Variants in WBP1L observed in about 807,000 individuals in gnomAD.
The protein encoded by WBP1L is WW domain binding protein 1 like.
Under a neutral mutation model 33.7 loss-of-function variants are expected in WBP1L, and 17 were observed. The observed-to-expected ratio is 0.50, with a 90% CI of 0.34 to 0.76. WBP1L has a LOEUF of 0.76. WBP1L is among the 30% of genes least tolerant of loss of function. The pLI, the probability that WBP1L is intolerant of heterozygous loss-of-function variation, is 0.01. For missense variants in WBP1L, 389 were observed against 469.4 expected, an observed-to-expected ratio of 0.83 and a Z score of 1.58; for synonymous variants, 173 against 190.8, an observed-to-expected ratio of 0.91 and a Z score of 0.77.
intron 2 of WBP1L, among the ~76,000 whole-genome samples, chr10:102,805,011 G>GGT (rs1463762641): frequency 6.6e-6 from 1 of 152,160 alleles, no homozygotes; most frequent in African/African-American, 2.4e-5. Flanking sequence ...GGCCAGGTGT[G>GGT]GTGGCTCATA....
rs112942471 is a variant in WBP1L, at chr10:102,756,410, AG to A, written c.90+12273del. ...GGGTGACAGAGCAAGACTCTGTCTC[AG>A]GGGGGTGGTGGGGGGAAGGGATCAT... On this transcript the variant is annotated intron_variant, in intron 1 of 3. Coordinates refer to ENST00000448841, the MANE Select transcript of WBP1L (RefSeq NM_001083913.2). Among the ~76,000 whole-genome samples, 401 of 151,782 alleles carry A rather than the reference AG, an allele frequency of 2.6e-3. 1 individual carries two copies. The highest frequency in any genetic ancestry group is 8.8e-3 in the African/African-American group (364 of 41,408).
intron 2 of WBP1L, among the ~76,000 whole-genome samples, chr10:102,802,373 G>C (rs1590190788): frequency 6.7e-6 from 1 of 148,936 alleles, no homozygotes; most frequent in Non-Finnish European, 1.5e-5. Flanking sequence ...TTTACCTGCC[G>C]TTTTTTTTTG....
At chr10:102,774,719 T>C (rs1441378712) in intron 1 of WBP1L, among the ~76,000 whole-genome samples, 1 of 152,158 alleles carries the variant, frequency 6.6e-6, no homozygotes, top group Non-Finnish European at 1.5e-5. Context: ...ACAGTGCCAC[T>C]ACCATGGAGG....
intron 1 of WBP1L, among the ~76,000 whole-genome samples, chr10:102,791,829 G>A (rs1843503198): frequency 6.6e-6 from 1 of 152,198 alleles, no homozygotes; most frequent in East Asian, 1.9e-4. Flanking sequence ...CCATTAGCCA[G>A]TTGCTAGCAG....
chr10:102,752,597 A>T (rs1319503058), intron 1 of WBP1L, among the ~76,000 whole-genome samples: 3 of 152,182 alleles, frequency 2.0e-5, no homozygotes, highest in Non-Finnish European at 2.9e-5. Context: ...TTTTAAGAAC[A>T]TGATTTGCTT....
At chr10:102,810,962 C>A (rs1359081238) in intron 3 of WBP1L, among the ~76,000 whole-genome samples, 1 of 149,402 alleles carries the variant, frequency 6.7e-6, no homozygotes, top group Non-Finnish European at 1.5e-5. Context: ...CTTTCCCTTC[C>A]TTCTTCCCTC....
chr10:102,746,267 A>G (rs1204705367), intron 1 of WBP1L: 1 of 630,208 alleles, frequency 1.6e-6, no homozygotes, highest in Non-Finnish European at 2.0e-6. Flanking sequence ...GGCACTTCTA[A>G]TACTTAATTT....
intron 1 of WBP1L, among the ~76,000 whole-genome samples, chr10:102,775,926 C>T (rs1321443294): frequency 1.3e-5 from 2 of 151,842 alleles, no homozygotes; most frequent in East Asian, 1.9e-4. Flanking sequence ...GATTTATGTA[C>T]CCCCCAGCCT....
chr10:102,810,361 T>C (rs4919680), intron 3 of WBP1L, among the ~76,000 whole-genome samples: 114,476 of 142,070 alleles, frequency 0.81, 46,629 homozygotes, highest in Middle Eastern at 0.89. Context: ...CTTCCTCCCT[T>C]CCTCCCTCCC....
At chr10:102,807,030 C>T (rs1433935053) in intron 2 of WBP1L, among the ~76,000 whole-genome samples, 1 of 151,918 alleles carries the variant, frequency 6.6e-6, no homozygotes, top group Admixed American at 6.6e-5. Context: ...CTTGATTTAA[C>T]TCATTCTGAC....
chr10:102,754,339 G>A (rs1339357893), intron 1 of WBP1L, among the ~76,000 whole-genome samples: 1 of 152,174 alleles, frequency 6.6e-6, no homozygotes, highest in Admixed American at 6.5e-5. Context: ...TGGCACTATG[G>A]CTGACTTTCC....
intron 1 of WBP1L, among the ~76,000 whole-genome samples, chr10:102,783,142 C>T (rs1436298994): frequency 6.6e-6 from 1 of 152,118 alleles, no homozygotes; most frequent in African/African-American, 2.4e-5. Flanking sequence ...CAGGCTGGGG[C>T]GGACCGCCAG....
At position 102,781,983 on chromosome 10, in the gene WBP1L, C is replaced by T. The variant is rs139894213; in HGVS notation, c.91-16010C>T. 2.1e-3 allele frequency among the ~76,000 whole-genome samples: 317 copies of T among 152,154 alleles called. 2 individuals carry two copies. The highest frequency in any genetic ancestry group is 7.1e-3 in the African/African-American group (296 of 41,526). The stretch of plus-strand genomic sequence containing the variant: ...CTGCCTCCCAGGTTCAAGGAATTCT[C>T]GTGCCTCAGCCTCCCAAGTAGCTGG... On this transcript the variant is annotated intron_variant, in intron 1 of 3. Transcript: ENST00000448841.
intron 1 of WBP1L, among the ~76,000 whole-genome samples, chr10:102,786,010 T>TTTGAC (rs1843410255): frequency 1.3e-5 from 2 of 152,224 alleles, no homozygotes; most frequent in Non-Finnish European, 2.9e-5. Flanking sequence ...GCTGTGGGAT[T>TTTGAC]TTCCTACCAG....
At chr10:102,759,363 C>T (rs986517647) in intron 1 of WBP1L, among the ~76,000 whole-genome samples, 1 of 152,164 alleles carries the variant, frequency 6.6e-6, no homozygotes, top group Non-Finnish European at 1.5e-5. Context: ...CAAAAAGTAA[C>T]ATTAAAAGCT....
intron 1 of WBP1L, among the ~76,000 whole-genome samples, chr10:102,793,516 T>A (rs1272619814): frequency 6.6e-6 from 1 of 152,190 alleles, no homozygotes; most frequent in East Asian, 1.9e-4. Flanking sequence ...ATTTGACCTT[T>A]CCATTGCATT....
intron 1 of WBP1L, among the ~76,000 whole-genome samples, chr10:102,748,819 G>A (rs1472256319): frequency 6.6e-6 from 1 of 152,252 alleles, no homozygotes; most frequent in African/African-American, 2.4e-5. Flanking sequence ...GCTAGGGCAA[G>A]AGGAAGATGG....
At chr10:102,802,549 C>T (rs943049485) in intron 2 of WBP1L, among the ~76,000 whole-genome samples, 2 of 152,072 alleles carry the variant, frequency 1.3e-5, no homozygotes, top group African/African-American at 4.8e-5. Flanking sequence ...GTCTCACTCC[C>T]TCGCCCAGGC....
intron 1 of WBP1L, among the ~76,000 whole-genome samples, chr10:102,748,732 C>T (rs780816436): frequency 2.2e-4 from 34 of 152,154 alleles, no homozygotes; most frequent in Admixed American, 2.0e-4. Context: ...GGACAGATAG[C>T]GCACACAGTG....
Sources: gnomAD v4.1 joint callset for allele counts (sites outside exome capture counted in the v4.1 genomes callset) on GRCh38, gnomAD v4.1.1 for gene constraint, MANE v1.5 for transcripts, NCBI Gene and HGNC (gene_info 2026-07-23, HGNC 2026-07-21) for gene names.